ZNF385D: variants seen among roughly 807,000 people sequenced by gnomAD.
The protein encoded by ZNF385D is zinc finger protein 385D, also known as zinc finger protein 659.
ZNF385D carries 15 observed loss-of-function variants against 35.8 expected under a neutral mutation model. That is an observed-to-expected ratio of 0.42 (90% confidence interval 0.28 to 0.64). The LOEUF is 0.64. ZNF385D is among the 30% of genes least tolerant of loss of function. ZNF385D has a pLI of 0.23. For missense variants in ZNF385D, 474 were observed against 494.6 expected, an observed-to-expected ratio of 0.96 and a Z score of 0.39; for synonymous variants, 212 against 186.8, an observed-to-expected ratio of 1.13 and a Z score of -1.10.
At chr3:22,029,937 G>A (rs1406912201) in intron 3 of ZNF385D, among the ~76,000 whole-genome samples, 1 of 152,042 alleles carries the variant, frequency 6.6e-6, no homozygotes, top group East Asian at 1.9e-4. Context: ...TCCCCTGGAT[G>A]TGTCTGTGAG....
At chr3:21,565,563 T>C (rs1318518644) in intron 2 of ZNF385D, among the ~76,000 whole-genome samples, 1 of 152,164 alleles carries the variant, frequency 6.6e-6, no homozygotes, top group Non-Finnish European at 1.5e-5. Flanking sequence ...AATTCTTTCA[T>C]GTAACTTCTT....
At chr3:22,335,550 G>T (rs1695125173) in intron 2 of ZNF385D, among the ~76,000 whole-genome samples, 1 of 151,940 alleles carries the variant, frequency 6.6e-6, no homozygotes, top group Non-Finnish European at 1.5e-5. Flanking sequence ...CAATCCTATT[G>T]AATACCCTCT....
chr3:22,045,450 A>G (rs560579792), intron 3 of ZNF385D, among the ~76,000 whole-genome samples: 1 of 151,870 alleles, frequency 6.6e-6, no homozygotes, highest in African/African-American at 2.4e-5. Context: ...AGAATTGGGA[A>G]CCCCCTCCAC....
chr3:21,905,666 G>T lies in ZNF385D; in HGVS notation c.326-240638C>A, dbSNP rs1018105333. On this transcript the variant is annotated intron_variant, in intron 3 of 5. Coordinates refer to the ZNF385D transcript ENST00000494108. ...CTTTTAATCTCATACATGGTCAAAG[G>T]TTATTCAAGGATCATCTGTGGTAAT... 6.2e-5 allele frequency among the ~76,000 whole-genome samples: 9 copies of T among 146,010 alleles called. No homozygotes were observed. In the Admixed American group the frequency reaches 6.3e-4, roughly 10 times the overall value.
Position 22,327,508 on chromosome 3 carries a change from T to C in ZNF385D, c.106+44942A>G, listed in dbSNP as rs148904234. 1.0e-3 allele frequency among the ~76,000 whole-genome samples: 155 copies of C among 152,308 alleles called. 1 individual carries two copies. Among genetic ancestry groups the C allele is most frequent in the African/African-American group, 3.4e-3 (141 of 41,578 alleles). ...ATTAATGAAAGTTATACCCATCACA[T>C]TGAAAAATGCTTCCAGCCACATTTC... On this transcript the variant is annotated intron_variant, in intron 2 of 5. Transcript: ENST00000494108.
intron 2 of ZNF385D, among the ~76,000 whole-genome samples, chr3:22,179,155 A>T (rs1316166802): frequency 1.3e-5 from 2 of 152,114 alleles, no homozygotes; most frequent in African/African-American, 4.8e-5. Context: ...GATGGCATGG[A>T]ATCTATAAAT....
intron 3 of ZNF385D, among the ~76,000 whole-genome samples, chr3:21,887,968 A>G (rs1441795258): frequency 1.3e-5 from 2 of 152,280 alleles, no homozygotes; most frequent in East Asian, 1.9e-4. Flanking sequence ...TAACCTAACT[A>G]CTTACTAAAA....
chr3:21,443,514 G>T (rs1575154437), intron 4 of ZNF385D, among the ~76,000 whole-genome samples: 1 of 152,066 alleles, frequency 6.6e-6, no homozygotes, highest in Non-Finnish European at 1.5e-5. Flanking sequence ...AAGAGTAATA[G>T]GACTCTAATA....
chr3:21,443,511 AT>A (rs1256824560), intron 4 of ZNF385D, among the ~76,000 whole-genome samples: 1 of 152,216 alleles, frequency 6.6e-6, no homozygotes, highest in Non-Finnish European at 1.5e-5. Flanking sequence ...TGCAAGAGTA[AT>A]AGGACTCTAA....
At chr3:22,225,644 CTG>C (rs749114313) in intron 2 of ZNF385D, among the ~76,000 whole-genome samples, 10 of 152,170 alleles carry the variant, frequency 6.6e-5, no homozygotes, top group Middle Eastern at 3.2e-3. Flanking sequence ...ATCCTAAAGG[CTG>C]TCTTTCCTTC....
chr3:21,482,108 A>G (rs139583410), intron 4 of ZNF385D, among the ~76,000 whole-genome samples: 1 of 152,232 alleles, frequency 6.6e-6, no homozygotes, highest in African/African-American at 2.4e-5. Context: ...GATTTGCAAG[A>G]GTGAGTATGT....
intron 1 of ZNF385D, among the ~76,000 whole-genome samples, chr3:21,702,311 C>T (rs2067719468): frequency 6.6e-6 from 1 of 152,210 alleles, no homozygotes; most frequent in South Asian, 2.1e-4. Context: ...CCCTCTGAAG[C>T]CACAGCCTGA....
chr3:21,920,878 A>G (rs979999448), intron 3 of ZNF385D, among the ~76,000 whole-genome samples: 5 of 152,226 alleles, frequency 3.3e-5, no homozygotes, highest in African/African-American at 1.2e-4. Context: ...ACTTTACAAA[A>G]TACATTAAAA....
At chr3:21,975,162 C>G (rs1703516803) in intron 3 of ZNF385D, among the ~76,000 whole-genome samples, 1 of 152,152 alleles carries the variant, frequency 6.6e-6, no homozygotes, top group Admixed American at 6.5e-5. Context: ...TGGAAGCAAC[C>G]TAAGTGTCTG....
At chr3:22,063,776 C>A (rs112517498) in intron 3 of ZNF385D, among the ~76,000 whole-genome samples, 15 of 152,272 alleles carry the variant, frequency 9.9e-5, no homozygotes, top group African/African-American at 3.6e-4. Context: ...AGCCTGTATA[C>A]CTTCACTGGT....
At chr3:22,256,392 G>C (rs917374298) in intron 2 of ZNF385D, among the ~76,000 whole-genome samples, 1 of 151,710 alleles carries the variant, frequency 6.6e-6, no homozygotes, top group East Asian at 1.9e-4. Context: ...ACTGCTAATA[G>C]GAGAGGCTTC....
At chr3:22,338,313 T>C (rs866242484) in intron 2 of ZNF385D, among the ~76,000 whole-genome samples, 2 of 152,188 alleles carry the variant, frequency 1.3e-5, no homozygotes, top group Non-Finnish European at 2.9e-5. Context: ...TTGGTGAGTA[T>C]ATGATTTCCA....
At chr3:21,684,382 CTCTCTCTCTCTCTCTCTCTCTCCTCT>C (rs2067021190) in intron 1 of ZNF385D, among the ~76,000 whole-genome samples, 1 of 85,438 alleles carries the variant, frequency 1.2e-5, no homozygotes, top group South Asian at 4.6e-4. Flanking sequence ...CTCTCTCTCT[CTCTCTCTCTCTCTCTCTCTCTCCTCT>C]CTCTCTCTCT....
chr3:22,231,587 A>C (rs866984198), intron 2 of ZNF385D, among the ~76,000 whole-genome samples: 8 of 152,032 alleles, frequency 5.3e-5, no homozygotes, highest in South Asian at 4.1e-4. Flanking sequence ...CTTGAACAAC[A>C]CAGTTTACCT....
Sources: allele counts gnomAD v4.1 joint callset (sites outside exome capture counted in the v4.1 genomes callset), GRCh38; gene constraint gnomAD v4.1.1; transcripts MANE v1.5; gene names NCBI Gene and HGNC (gene_info 2026-07-23, HGNC 2026-07-21).